PALLD: variants seen among roughly 807,000 people sequenced by gnomAD.
PALLD encodes palladin, cytoskeletal associated protein, also known as palladin.
A neutral mutation model predicts 123.5 loss-of-function variants in PALLD; 61 were observed. The observed-to-expected ratio is 0.49, with a 90% CI of 0.40 to 0.61. The LOEUF (loss-of-function observed/expected upper bound fraction) is 0.61, where lower values mean the gene tolerates loss of function less well. PALLD is among the 20% of genes least tolerant of loss of function. The pLI is 0.00. For missense variants in PALLD, 1,273 were observed against 1,377.0 expected (o/e 0.92, Z 1.20); for synonymous variants, 465 against 496.4 (o/e 0.94, Z 0.84).
intron 16 of PALLD, among the ~76,000 whole-genome samples, chr4:168,915,087 T>C (rs1428981850): frequency 6.6e-6 from 1 of 152,202 alleles, no homozygotes; most frequent in Non-Finnish European, 1.5e-5. Flanking sequence ...CTGGAAAGCT[T>C]TTTTTCCCAT....
intron 8 of PALLD, among the ~76,000 whole-genome samples, chr4:168,692,081 T>C (rs1782685556): frequency 6.6e-6 from 1 of 152,190 alleles, no homozygotes; most frequent in South Asian, 2.1e-4. Context: ...GTCATTTTCC[T>C]GTTTCTCCTG....
chr4:168,582,326 T>A (rs1442920183), intron 2 of PALLD, among the ~76,000 whole-genome samples: 1 of 152,184 alleles, frequency 6.6e-6, no homozygotes, highest in Non-Finnish European at 1.5e-5. Flanking sequence ...TGACTTTGTA[T>A]CCTGCTACTT....
chr4:168,745,297 C>T (rs1343306983), intron 10 of PALLD, among the ~76,000 whole-genome samples: 1 of 152,078 alleles, frequency 6.6e-6, no homozygotes, highest in Non-Finnish European at 1.5e-5. Context: ...AGCCTCCTAG[C>T]TCAGCATTCC....
At chr4:168,849,295 G>T (rs1747386366) in intron 10 of PALLD, among the ~76,000 whole-genome samples, 1 of 152,202 alleles carries the variant, frequency 6.6e-6, no homozygotes, top group Admixed American at 6.5e-5. Context: ...AAAGACTCAG[G>T]GTTATGTTGT....
Position 168,653,601 on chromosome 4 carries a change from G to T in PALLD, c.909-14589G>T, listed in dbSNP as rs575462634. On this transcript the variant is annotated intron_variant, in intron 2 of 21. Coordinates refer to ENST00000505667, the MANE Select transcript of PALLD (RefSeq NM_001166108.2). ...TAGCTCTTCGGCTATACACATATTG[G>T]GCTCTGATAATTAGAACATTGATCC... Among the ~76,000 whole-genome samples, 53 of 152,284 alleles carry T rather than the reference G, an allele frequency of 3.5e-4. 1 individual carries two copies. The highest frequency in any genetic ancestry group is 1.0e-3 in the African/African-American group (42 of 41,564).
At chr4:168,765,927 C>T (rs1025187069) in intron 10 of PALLD, among the ~76,000 whole-genome samples, 3 of 152,172 alleles carry the variant, frequency 2.0e-5, no homozygotes, top group Non-Finnish European at 4.4e-5. Flanking sequence ...TTGGCATAGG[C>T]CAAAATGAAT....
At position 168,512,004 on chromosome 4, in the gene PALLD, A is replaced by G; in HGVS notation, c.500A>G (p.Gln167Arg). The change falls in exon 2 of 22, where the codon CAG (glutamine) becomes CGG (arginine). Residue 167 changes from glutamine (Q) to arginine (R), a missense_variant. Coordinates refer to ENST00000505667, the MANE Select transcript of PALLD (RefSeq NM_001166108.2). Reference protein sequence around the residue: ...PHQRKGGPQSQLCDKAANLIE... With the variant: ...PHQRKGGPQSRLCDKAANLIE... ...CAAAGAAAGGGTGGCCCCCAGAGCCAGCTGTGTGACAAGGCAGCTAATTTA... is the reference window on the plus strand; with the variant it reads ...CAAAGAAAGGGTGGCCCCCAGAGCCGGCTGTGTGACAAGGCAGCTAATTTA... 1 of 1,614,262 alleles carries G rather than the reference A, an allele frequency of 6.2e-7. No homozygotes were observed. The highest frequency in any genetic ancestry group is 8.5e-7 in the Non-Finnish European group (1 of 1,180,050).
At chr4:168,614,698 T>C (rs1580588069) in intron 2 of PALLD, among the ~76,000 whole-genome samples, 1 of 152,092 alleles carries the variant, frequency 6.6e-6, no homozygotes, top group African/African-American at 2.4e-5. Flanking sequence ...TTTTTCTCTA[T>C]TAACTATTTA....
intron 3 of PALLD, among the ~76,000 whole-genome samples, chr4:168,670,833 C>G (rs72984621): frequency 7.5e-6 from 1 of 133,866 alleles, no homozygotes; most frequent in African/African-American, 2.8e-5. Context: ...CACCTGTAAT[C>G]CCAGCACTTT....
chr4:168,745,035 T>C (rs1016401438), intron 10 of PALLD, among the ~76,000 whole-genome samples: 3 of 152,218 alleles, frequency 2.0e-5, no homozygotes, highest in Non-Finnish European at 4.4e-5. Flanking sequence ...AGGCATCAGC[T>C]GGAATCCTGA....
In PALLD at chr4:168,655,768, G is replaced by A. The variant is rs540738200; in HGVS notation, c.909-12422G>A. On this transcript the variant is annotated intron_variant, in intron 2 of 21. Transcript: ENST00000505667. ...AACTGGGGGTTTCACTAATGAACTC[G>A]GGGAAATTTTGAGGGACATCTCCTG... Among the ~76,000 whole-genome samples, 20 of 152,290 alleles carry A rather than the reference G, an allele frequency of 1.3e-4. No homozygotes were observed. The South Asian group carries it at 3.7e-3, about 28-fold the overall frequency.
At chr4:168,694,649 AT>A (rs1335417510) in intron 8 of PALLD, among the ~76,000 whole-genome samples, 1 of 152,218 alleles carries the variant, frequency 6.6e-6, no homozygotes, top group Non-Finnish European at 1.5e-5. Flanking sequence ...CCCATTAGGA[AT>A]TAGATATTTA....
chr4:168,762,798 A>G lies in PALLD; in HGVS notation c.1964+50875A>G, dbSNP rs144060142. Among the ~76,000 whole-genome samples, 305 of 152,378 alleles carry G rather than the reference A, an allele frequency of 2.0e-3. 1 individual carries two copies. The highest frequency in any genetic ancestry group is 7.0e-3 in the African/African-American group (293 of 41,590). ...CCCAAATGCCCATCAATGATAGACT[A>G]CATAAAGAAAATGTGGCACATATAC... On this transcript the variant is annotated intron_variant, in intron 10 of 21. Transcript: ENST00000505667.
chr4:168,678,674 A>C (rs1781115849), intron 3 of PALLD, among the ~76,000 whole-genome samples: 1 of 151,992 alleles, frequency 6.6e-6, no homozygotes, highest in Non-Finnish European at 1.5e-5. Context: ...AAGTCCCATC[A>C]CAGCCCGTGC....
rs144230653 is a variant in PALLD, at chr4:168,528,136, C to G, written c.908+15724C>G. On this transcript the variant is annotated intron_variant, in intron 2 of 21. Transcript: ENST00000505667. ...TGCCCTCTCTTTCTAGCTAGGACCA[C>G]AACTGCTACATCCTCCTCCTGATTG... Among the ~76,000 whole-genome samples, 4 of 152,292 alleles carry G rather than the reference C, an allele frequency of 2.6e-5. No homozygotes were observed. In the East Asian group the frequency reaches 7.7e-4, roughly 29 times the overall value.
At position 168,553,892 on chromosome 4, in the gene PALLD, A is replaced by G. The variant is rs1021084988; in HGVS notation, c.908+41480A>G. The stretch of plus-strand genomic sequence containing the variant: ...GGCTTCTGGGTAGGGTAGGGGCATC[A>G]TGTTATTTTTATTTGCTGAATCAGG... On this transcript the variant is annotated intron_variant, in intron 2 of 21. Transcript: ENST00000505667. 4.6e-5 allele frequency among the ~76,000 whole-genome samples: 7 copies of G among 152,250 alleles called. No individual in the cohort carries two copies. The South Asian group carries it at 1.2e-3, about 27-fold the overall frequency.
At chr4:168,905,793 T>TTTTTC (rs1553974473) in intron 15 of PALLD, among the ~76,000 whole-genome samples, 1 of 106,130 alleles carries the variant, frequency 9.4e-6, no homozygotes, top group Non-Finnish European at 1.9e-5. Context: ...TTTTTTTCTT[T>TTTTTC]TTTTTTTTTT....
At chr4:168,579,213 C>A (rs1769971066) in intron 2 of PALLD, among the ~76,000 whole-genome samples, 1 of 152,168 alleles carries the variant, frequency 6.6e-6, no homozygotes, top group Non-Finnish European at 1.5e-5. Flanking sequence ...TAAAGTGCAG[C>A]TATTTGAAAG....
At chr4:168,623,964 T>C (rs1775003434) in intron 2 of PALLD, among the ~76,000 whole-genome samples, 1 of 152,218 alleles carries the variant, frequency 6.6e-6, no homozygotes. Flanking sequence ...ATAAGATACA[T>C]GTTATTCAAC....
Sources: gnomAD v4.1 joint callset for allele counts (sites outside exome capture counted in the v4.1 genomes callset) on GRCh38, gnomAD v4.1.1 for gene constraint, MANE v1.5 for transcripts, NCBI Gene and HGNC (gene_info 2026-07-23, HGNC 2026-07-21) for gene names.